Variants in AP3S1 observed in about 807,000 individuals in gnomAD.
AP3S1 encodes the protein AP-3 complex subunit sigma-1.
AP3S1 carries 12 observed loss-of-function variants against 21.3 expected under a neutral mutation model. The ratio of observed to expected loss-of-function variants is 0.56; its 90% CI spans 0.36 to 0.91. The LOEUF (loss-of-function observed/expected upper bound fraction) is 0.91, where lower values mean the gene tolerates loss of function less well. Among genes scored for constraint, AP3S1 ranks in the 40% least tolerant of loss-of-function variants. The pLI, the probability that AP3S1 is intolerant of heterozygous loss-of-function variation, is 0.01. For synonymous variants in AP3S1, 48 were observed against 78.4 expected (o/e 0.61, Z 2.05); for missense variants, 116 against 225.0 (o/e 0.52, Z 3.10).
intron 3 of AP3S1, among the ~76,000 whole-genome samples, chr5:115,887,019 A>G (rs1749844887): frequency 6.6e-6 from 1 of 152,212 alleles, no homozygotes; most frequent in Non-Finnish European, 1.5e-5. Context: ...TATTGAGTCA[A>G]GTGCTATTTA....
intron 1 of AP3S1, among the ~76,000 whole-genome samples, chr5:115,849,542 A>C (rs1175325391): frequency 6.6e-6 from 1 of 152,198 alleles, no homozygotes; most frequent in East Asian, 1.9e-4. Flanking sequence ...TGTATGCCAC[A>C]CCATGCCCCT....
intron 1 of AP3S1, chr5:115,842,361 C>G (rs1761655007): frequency 6.7e-6 from 3 of 449,438 alleles, no homozygotes; most frequent in South Asian, 3.7e-5. Context: ...GCTTTCCTGG[C>G]TGCGCGGGCG....
intron 1 of AP3S1, among the ~76,000 whole-genome samples, chr5:115,861,865 CTTTTTTTT>C (rs113923492): frequency 1.8e-5 from 2 of 110,620 alleles, no homozygotes; most frequent in Non-Finnish European, 3.5e-5. Flanking sequence ...CTTTTCTTTT[CTTTTTTTT>C]TTTTTTTTTT....
chr5:115,912,511 T>G (rs1002289070), intron 5 of AP3S1, among the ~76,000 whole-genome samples: 8 of 152,214 alleles, frequency 5.3e-5, no homozygotes, highest in African/African-American at 1.9e-4. Flanking sequence ...TTACAAATGT[T>G]CCTACTAATA....
At chr5:115,854,993 T>A (rs1020501113) in intron 1 of AP3S1, among the ~76,000 whole-genome samples, 1 of 142,592 alleles carries the variant, frequency 7.0e-6, no homozygotes, top group Non-Finnish European at 1.5e-5. Context: ...TGCTTATATA[T>A]GTGTGTGTGT....
intron 1 of AP3S1, among the ~76,000 whole-genome samples, chr5:115,846,265 TC>T (rs1195223247): frequency 6.6e-6 from 1 of 152,220 alleles, no homozygotes; most frequent in Non-Finnish European, 1.5e-5. Context: ...AGCTTTGGCT[TC>T]CCAAAGTGCT....
At chr5:115,888,923 T>G (rs964199039) in intron 3 of AP3S1, among the ~76,000 whole-genome samples, 3 of 152,102 alleles carry the variant, frequency 2.0e-5, no homozygotes, top group African/African-American at 7.2e-5. Flanking sequence ...GAAAAGTAAG[T>G]AGTTTTATCT....
chr5:115,910,266 A>T (rs1201894951), intron 5 of AP3S1, among the ~76,000 whole-genome samples: 2 of 72,902 alleles, frequency 2.7e-5, no homozygotes, highest in South Asian at 3.4e-4. Context: ...CCTGTCTCTT[A>T]AAAAAAAAAA....
chr5:115,909,402 A>T (rs564300705), intron 5 of AP3S1, among the ~76,000 whole-genome samples: 1 of 152,284 alleles, frequency 6.6e-6, no homozygotes, highest in East Asian at 1.9e-4. Flanking sequence ...ATAAGTCTTT[A>T]TCTGTTTGGC....
chr5:115,865,725 C>T (rs1338187531), intron 1 of AP3S1, among the ~76,000 whole-genome samples: 1 of 151,944 alleles, frequency 6.6e-6, no homozygotes, highest in Non-Finnish European at 1.5e-5. Context: ...CTTTGTGGAC[C>T]ATTCACATCC....
intron 1 of AP3S1, among the ~76,000 whole-genome samples, chr5:115,859,286 C>T (rs1328843034): frequency 1.3e-5 from 2 of 152,164 alleles, no homozygotes; most frequent in East Asian, 1.9e-4. Context: ...TAAAGCCCAG[C>T]GTTGGTGTTC....
At chr5:115,885,700 A>C (rs927611947) in intron 3 of AP3S1, among the ~76,000 whole-genome samples, 1 of 152,216 alleles carries the variant, frequency 6.6e-6, no homozygotes, top group African/African-American at 2.4e-5. Context: ...TTTACCAGCT[A>C]TCTAGGCGTC....
chr5:115,894,107 A>G (rs1561516586), intron 3 of AP3S1, among the ~76,000 whole-genome samples: 3 of 152,254 alleles, frequency 2.0e-5, no homozygotes, highest in Admixed American at 6.5e-5. Flanking sequence ...TAGTGAAAGG[A>G]TACAGAGTAA....
intron 2 of AP3S1, among the ~76,000 whole-genome samples, chr5:115,869,572 T>G (rs1748039645): frequency 6.6e-6 from 1 of 152,216 alleles, no homozygotes. Context: ...CTTCTCTAAA[T>G]TTTTTCCAAG....
At chr5:115,847,701 TTG>T (rs1262284534) in intron 1 of AP3S1, among the ~76,000 whole-genome samples, 1 of 152,236 alleles carries the variant, frequency 6.6e-6, no homozygotes, top group African/African-American at 2.4e-5. Flanking sequence ...CATGTTATTT[TTG>T]TATATGTATA....
At chr5:115,847,127 CT>C (rs1172804554) in intron 1 of AP3S1, among the ~76,000 whole-genome samples, 1 of 152,154 alleles carries the variant, frequency 6.6e-6, no homozygotes, top group East Asian at 1.9e-4. Flanking sequence ...TGGACTGTGT[CT>C]TTCCCTTCAT....
In AP3S1 at chr5:115,844,948, T is replaced by C. The variant is rs559536611; in HGVS notation, c.69+2842T>C. On this transcript the variant is annotated intron_variant, in intron 1 of 5. Coordinates refer to ENST00000316788, the MANE Select transcript of AP3S1 (RefSeq NM_001284.4). ...ACTGAGTCTTGAACATAGAAAACTCTCTAACTCTTTGCTAAATGCATTTAT... is the reference window on the plus strand; with the variant it reads ...ACTGAGTCTTGAACATAGAAAACTCCCTAACTCTTTGCTAAATGCATTTAT... Among the ~76,000 whole-genome samples the C allele has an allele frequency of 2.2e-3, 334 of 151,356 alleles. 1 individual carries two copies. The highest frequency in any genetic ancestry group is 7.8e-3 in the African/African-American group (316 of 40,606).
At chr5:115,844,825 C>T (rs1384423411) in intron 1 of AP3S1, among the ~76,000 whole-genome samples, 4 of 152,128 alleles carry the variant, frequency 2.6e-5, no homozygotes, top group Admixed American at 6.5e-5. Flanking sequence ...ACAGTATTCT[C>T]GTTCACAGCC....
intron 4 of AP3S1, among the ~76,000 whole-genome samples, chr5:115,900,111 G>A (rs2112562790): frequency 6.6e-6 from 1 of 152,122 alleles, no homozygotes; most frequent in South Asian, 2.1e-4. Flanking sequence ...CACTAAAAGT[G>A]CACAGAATGA....
Sources: gnomAD v4.1 joint callset for allele counts (sites outside exome capture counted in the v4.1 genomes callset) on GRCh38, gnomAD v4.1.1 for gene constraint, MANE v1.5 for transcripts, NCBI Gene and HGNC (gene_info 2026-07-23, HGNC 2026-07-21) for gene names.